LRCH2: variants seen among roughly 807,000 people sequenced by gnomAD.
The protein encoded by LRCH2 is leucine rich repeats and calponin homology domain containing 2.
LRCH2 carries 38 observed loss-of-function variants against 68.9 expected under a neutral mutation model. That is an observed-to-expected ratio of 0.55 (90% CI 0.43 to 0.72). LRCH2 has a LOEUF of 0.72. LRCH2 is among the 30% of genes least tolerant of loss of function. The probability of loss-of-function intolerance (pLI) is 0.00; values close to 1 mark genes in which losing one functional copy is unlikely to be tolerated. For synonymous variants in LRCH2, 191 were observed against 208.1 expected, an observed-to-expected ratio of 0.92 and a Z score of 0.71; for missense variants, 528 against 572.9, an observed-to-expected ratio of 0.92 and a Z score of 0.80.
At chrX:115,215,769 C>CAAAAA (rs57563158) in intron 1 of LRCH2, among the ~76,000 whole-genome samples, 1 of 45,193 alleles carries the variant, frequency 2.2e-5, no homozygotes, top group African/African-American at 8.7e-5. Context: ...GACTCCATCT[C>CAAAAA]AAAAAAAAAA....
rs182176553 is a variant in LRCH2 at position 115,204,232 on chromosome X, G to C, written c.350-15862C>G. Among the ~76,000 whole-genome samples the C allele has an allele frequency of 4.8e-3, 545 of 113,208 alleles. 2 individuals carry two copies. Among genetic ancestry groups the C allele is most frequent in the African/African-American group, 7.4e-3 (232 of 31,243 alleles). On this transcript the variant is annotated intron_variant, in intron 1 of 20. Transcript: ENST00000317135. ...GTCATGAGGCTGCACAGAGCAGTAG[G>C]GCCCTGGGCCCAGCCCATGAAACCA...
chrX:115,145,669 C>A (rs782051417), intron 14 of LRCH2, among the ~76,000 whole-genome samples: 4 of 111,579 alleles, frequency 3.6e-5, no homozygotes, highest in Admixed American at 9.5e-5. Context: ...ATACAGATGG[C>A]AAACTGGCAT....
At chrX:115,114,587 T>C (rs62601494) in intron 20 of LRCH2, among the ~76,000 whole-genome samples, 11,644 of 110,367 alleles carry the variant, frequency 0.11, 602 homozygotes, top group Non-Finnish European at 0.16. Context: ...TAAAAATTCA[T>C]AAACCTCAAG....
chrX:115,189,338 C>T lies in LRCH2; in HGVS notation c.350-968G>A, dbSNP rs985873689. The T allele has an allele frequency of 8.9e-6, 8 of 896,166 alleles. No individual in the cohort carries two copies. In the African/African-American group the frequency reaches 1.6e-4, roughly 18 times the overall value. The allele number at this position is 896,166 out of a possible 1,213,427, so 73.9% of individuals were successfully genotyped here. A position where few individuals can be genotyped will look rare whatever the true frequency, so the allele number is the denominator to read the frequency against. ...TTTTCCTTCTTGAGACATCCACCCCCCCAACCGGTAGGAGCCGCCCTCCAC... is the reference window on the plus strand; with the variant it reads ...TTTTCCTTCTTGAGACATCCACCCCTCCAACCGGTAGGAGCCGCCCTCCAC... On this transcript the variant is annotated intron_variant, in intron 1 of 20. Transcript: ENST00000317135.
intron 14 of LRCH2, among the ~76,000 whole-genome samples, chrX:115,142,460 G>A (rs2072347717): frequency 9.0e-6 from 1 of 111,720 alleles, no homozygotes; most frequent in Non-Finnish European, 1.9e-5. Context: ...AAGTTGCTGA[G>A]ATAACATGAA....
At chrX:115,119,862 A>G (rs1420987350) in intron 20 of LRCH2, among the ~76,000 whole-genome samples, 4 of 109,265 alleles carry the variant, frequency 3.7e-5, no homozygotes, top group East Asian at 2.9e-4. Context: ...CAGAAATAAC[A>G]CCGCATACCT....
At chrX:115,197,020 C>T (rs2072892325) in intron 1 of LRCH2, among the ~76,000 whole-genome samples, 1 of 111,090 alleles carries the variant, frequency 9.0e-6, no homozygotes, top group African/African-American at 3.3e-5. Context: ...CCAAGAACAA[C>T]ACATTAACAG....
chrX:115,171,824 C>T (rs992364243), intron 5 of LRCH2, among the ~76,000 whole-genome samples: 1 of 109,179 alleles, frequency 9.2e-6, no homozygotes, highest in East Asian at 2.9e-4. Flanking sequence ...AAATTACAGG[C>T]ACACACCACC....
intron 11 of LRCH2, among the ~76,000 whole-genome samples, chrX:115,161,933 T>TG (rs2072522238): frequency 9.9e-6 from 1 of 101,266 alleles, no homozygotes; most frequent in South Asian, 4.9e-4. Context: ...CCTGTCGGTT[T>TG]TTTTTTTTTT....
intron 1 of LRCH2, among the ~76,000 whole-genome samples, chrX:115,212,899 G>C (rs2073017908): frequency 9.1e-6 from 1 of 109,937 alleles, no homozygotes; most frequent in African/African-American, 3.3e-5. Flanking sequence ...CTGAGCCTGG[G>C]GAGGTTGAGG....
intron 1 of LRCH2, among the ~76,000 whole-genome samples, chrX:115,193,744 G>A (rs113222158): frequency 0.026 from 2,908 of 111,162 alleles, 88 homozygotes; most frequent in African/African-American, 0.09. Flanking sequence ...CCTGGGCACT[G>A]TAGGATATTT....
chrX:115,149,878 C>G lies in LRCH2; in HGVS notation c.1644G>C (p.Trp548Cys). Residue 548 changes from tryptophan to cysteine, a missense_variant, in exon 14 of 21, where the codon TGG becomes TGC. Trp to Cys is a radical substitution (Grantham distance 215, BLOSUM62 -2). Coordinates refer to ENST00000317135, the MANE Select transcript of LRCH2 (RefSeq NM_020871.4). Reference sequence around the variant, plus strand: ...TGCTCCGCCTCCTTTCTTCACTCTGCCAGATTATAGGGTGAGATTCTGGCC... The same window carrying G: ...TGCTCCGCCTCCTTTCTTCACTCTGGCAGATTATAGGGTGAGATTCTGGCC... ...QPWPESHPII[W>C]QSEERRRSKQ... 8.3e-7 allele frequency: 1 copy of G among 1,206,035 alleles called. No individual in the cohort carries two copies. Among genetic ancestry groups the G allele is most frequent in the East Asian group, 3.0e-5 (1 of 33,678 alleles).
At chrX:115,133,485 T>C (rs1468772564) in intron 14 of LRCH2, among the ~76,000 whole-genome samples, 5 of 112,124 alleles carry the variant, frequency 4.5e-5, no homozygotes. Flanking sequence ...AATGTGCAAA[T>C]ACAAAGTTTC....
chrX:115,205,473 TTCA>T (rs1257491490), intron 1 of LRCH2, among the ~76,000 whole-genome samples: 1 of 112,252 alleles, frequency 8.9e-6, no homozygotes, highest in Non-Finnish European at 1.9e-5. Context: ...TTCATCAATT[TTCA>T]TCATCATCAA....
intron 1 of LRCH2, among the ~76,000 whole-genome samples, chrX:115,188,753 C>T (rs2072753574): frequency 9.0e-6 from 1 of 111,298 alleles, no homozygotes; most frequent in Non-Finnish European, 1.9e-5. Context: ...ATCGCTTGAA[C>T]CCAGGAGGCG....
At chrX:115,230,574 T>C (rs2073146669) in intron 1 of LRCH2, among the ~76,000 whole-genome samples, 1 of 111,356 alleles carries the variant, frequency 9.0e-6, no homozygotes, top group Admixed American at 9.6e-5. Flanking sequence ...AGATAAACTC[T>C]GCAAACAGCT....
intron 14 of LRCH2, among the ~76,000 whole-genome samples, chrX:115,147,862 G>A (rs184187939): frequency 1.8e-4 from 20 of 110,233 alleles, no homozygotes; most frequent in Admixed American, 1.6e-3. Flanking sequence ...GACCAGCCTG[G>A]GCAACATAAT....
intron 20 of LRCH2, among the ~76,000 whole-genome samples, chrX:115,118,191 G>A: frequency 9.2e-6 from 1 of 109,239 alleles, no homozygotes; most frequent in African/African-American, 3.3e-5. Flanking sequence ...TAAAAAAAGG[G>A]TTTTTTTTAA....
In LRCH2 at chrX:115,192,592, G is replaced by A. The variant is rs782185363; in HGVS notation, c.350-4222C>T. ...GTCAGGCTGCAGGGTGCCCAGGGGC[G>A]GAGGCCGTCAAGGAGGCCGCTTCGA... On this transcript the variant is annotated intron_variant, in intron 1 of 20. Transcript: ENST00000317135. 52 of 1,170,089 alleles carry A rather than the reference G, an allele frequency of 4.4e-5. No individual in the cohort carries two copies. The Middle Eastern group carries it at 7.0e-4, about 16-fold the overall frequency.
Sources: gnomAD v4.1 joint callset for allele counts (sites outside exome capture counted in the v4.1 genomes callset) on GRCh38, gnomAD v4.1.1 for gene constraint, MANE v1.5 for transcripts, NCBI Gene and HGNC (gene_info 2026-07-23, HGNC 2026-07-21) for gene names.